The following MATN2 variants were observed in gnomAD, a reference collection of about 807,000 sequenced individuals.
MATN2 encodes the protein matrilin 2, also known as matrilin-2.
Under a neutral mutation model 103.2 loss-of-function variants are expected in MATN2, and 69 were observed. The ratio of observed to expected loss-of-function variants is 0.67; its 90% CI spans 0.55 to 0.82. The LOEUF is 0.82. Among genes scored for constraint, MATN2 ranks in the 40% least tolerant of loss-of-function variants. MATN2 has a pLI of 0.00. For synonymous variants in MATN2, 429 were observed against 450.2 expected (o/e 0.95, Z 0.60); for missense variants, 1,023 against 1,211.5 (o/e 0.84, Z 2.31).
At chr8:97,984,818 C>A (rs965170025) in intron 6 of MATN2, among the ~76,000 whole-genome samples, 7 of 151,722 alleles carry the variant, frequency 4.6e-5, no homozygotes, top group African/African-American at 1.5e-4. Flanking sequence ...CAAAAAGAAA[C>A]CCCACCAATA....
At chr8:97,994,125 A>C (rs1383069653) in intron 6 of MATN2, among the ~76,000 whole-genome samples, 1 of 147,908 alleles carries the variant, frequency 6.8e-6, no homozygotes, top group Non-Finnish European at 1.5e-5. Context: ...GAAGGAAGGA[A>C]GGGAGAGAGA....
chr8:97,995,190 G>T (rs1270706488), intron 7 of MATN2, among the ~76,000 whole-genome samples: 2 of 152,190 alleles, frequency 1.3e-5, no homozygotes, highest in African/African-American at 4.8e-5. Context: ...GAGGGCACCT[G>T]CTTAAGACAA....
At position 98,003,696 on chromosome 8, in the gene MATN2, G is replaced by A; in HGVS notation, c.1240G>A (p.Glu414Lys). Reference protein sequence around the residue: ...NYCALNKPGCEHECVNMEESY... With the variant: ...NYCALNKPGCKHECVNMEESY... ...CTGTGCACTGAACAAACCGGGCTGT[G>A]AGCATGAGTGCGTCAACATGGAGGA... The change falls in exon 8 of 19, where the codon GAG becomes AAG. Residue 414 changes from glutamate to lysine, a missense_variant. Transcript: ENST00000254898. 1 of 1,613,932 alleles carries A rather than the reference G, an allele frequency of 6.2e-7. No individual in the cohort carries two copies. Among genetic ancestry groups the A allele is most frequent in the Non-Finnish European group, 8.5e-7 (1 of 1,179,844 alleles).
At chr8:97,933,369 G>A (rs1222326811) in intron 3 of MATN2, among the ~76,000 whole-genome samples, 1 of 152,174 alleles carries the variant, frequency 6.6e-6, no homozygotes, top group Non-Finnish European at 1.5e-5. Flanking sequence ...AATATTAAAA[G>A]GGAAATTGGT....
At chr8:97,904,404 A>G (rs1819092840) in intron 2 of MATN2, among the ~76,000 whole-genome samples, 1 of 152,172 alleles carries the variant, frequency 6.6e-6, no homozygotes, top group Non-Finnish European at 1.5e-5. Context: ...CATAATACTG[A>G]GCTGTGTTTT....
At chr8:97,998,100 A>G (rs951895021) in intron 7 of MATN2, among the ~76,000 whole-genome samples, 9 of 150,732 alleles carry the variant, frequency 6.0e-5, no homozygotes, top group Non-Finnish European at 1.3e-4. Flanking sequence ...GATTACAGGC[A>G]TGAGCCACCA....
At chr8:97,963,622 A>G (rs1321804944) in intron 5 of MATN2, among the ~76,000 whole-genome samples, 1 of 152,134 alleles carries the variant, frequency 6.6e-6, no homozygotes, top group Non-Finnish European at 1.5e-5. Flanking sequence ...CGTGCTGTTT[A>G]TCGGAGATGG....
chr8:98,026,154 G>C (rs1813791103), intron 13 of MATN2, among the ~76,000 whole-genome samples: 1 of 134,672 alleles, frequency 7.4e-6, no homozygotes, highest in Non-Finnish European at 1.5e-5. Context: ...ACTTCAGCCT[G>C]GGTAACAGAG....
At chr8:97,967,274 G>T (rs1811514043) in intron 5 of MATN2, among the ~76,000 whole-genome samples, 1 of 151,960 alleles carries the variant, frequency 6.6e-6, no homozygotes, top group Non-Finnish European at 1.5e-5. Context: ...TTCCACTCCT[G>T]GCCCCCCATA....
At chr8:97,941,938 A>G in intron 4 of MATN2, 39 bp downstream of exon 4, 7 of 1,605,470 alleles carry the variant, frequency 4.4e-6, no homozygotes, top group East Asian at 2.3e-5. Flanking sequence ...GTTTCTTCCT[A>G]TTCCCTCATC....
rs1563704321 is a variant in MATN2 at position 97,978,986 on chromosome 8, C to T, written c.1059C>T (p.Asn353=). The change falls in exon 6 of 19, where the codon AAC becomes AAT. Residue 353 remains asparagine, a synonymous_variant. Transcript: ENST00000254898. ...AGTGCCATGAAGGATTTGCTCTTAA[C>T]CCAGATAAAAAAACGTGCACAAGTA... ...LCQCHEGFAL[N]PDKKTCTKID... 6.2e-7 allele frequency: 1 copy of T among 1,611,804 alleles called. No homozygotes were observed. The highest frequency in any genetic ancestry group is 1.1e-5 in the South Asian group (1 of 90,614).
Position 98,003,759 on chromosome 8 carries a change from G to C in MATN2, c.1303G>C (p.Asp435His). 1 of 1,613,784 alleles carries C rather than the reference G, an allele frequency of 6.2e-7. No homozygotes were observed. The highest frequency in any genetic ancestry group is 8.5e-7 in the Non-Finnish European group (1 of 1,179,786). The part of the protein sequence containing the change: ...YCRCHRGYTL[D>H]PNGKTCSRVD... ...CCGCTGCCACCGTGGCTACACTCTG[G>C]ACCCCAATGGCAAAACCTGCAGCCG... Residue 435 changes from aspartate to histidine, a missense_variant, in exon 8 of 19, where the codon GAC becomes CAC. Coordinates refer to ENST00000254898, the MANE Select transcript of MATN2 (RefSeq NM_002380.5).
chr8:98,026,452 C>T (rs2130443337), intron 13 of MATN2, among the ~76,000 whole-genome samples: 1 of 152,026 alleles, frequency 6.6e-6, no homozygotes, highest in Non-Finnish European at 1.5e-5. Context: ...GAAAGACAGT[C>T]ACTCTGTTAC....
chr8:98,004,887 G>A (rs13270713), intron 8 of MATN2, among the ~76,000 whole-genome samples: 82,691 of 152,180 alleles, frequency 0.54, 23,330 homozygotes, highest in Non-Finnish European at 0.63. Flanking sequence ...CCATCTCCAC[G>A]GGTCCTGGCC....
chr8:98,020,816 G>T (rs1261804997), intron 12 of MATN2, among the ~76,000 whole-genome samples: 1 of 152,148 alleles, frequency 6.6e-6, no homozygotes, highest in Admixed American at 6.5e-5. Flanking sequence ...TGTCTCACAG[G>T]GTGTTGTGAG....
At chr8:97,974,749 C>A (rs1811776009) in intron 5 of MATN2, among the ~76,000 whole-genome samples, 1 of 152,198 alleles carries the variant, frequency 6.6e-6, no homozygotes, top group South Asian at 2.1e-4. Context: ...CCAGCCCCAG[C>A]CCAGTTTTTA....
rs1319516309 is a variant in MATN2 at position 98,027,836 on chromosome 8, T to C, written c.2356+7T>C. 2.6e-6 allele frequency: 4 copies of C among 1,551,680 alleles called. No homozygotes were observed. Among genetic ancestry groups the C allele is most frequent in the East Asian group, 2.3e-5 (1 of 44,288 alleles). Reference sequence around the variant, plus strand: ...AGTAAAGCCAAGGCCAATGGTAATATGGGGTGGAGGTGCGGTTTACACCAC... The same window carrying C: ...AGTAAAGCCAAGGCCAATGGTAATACGGGGTGGAGGTGCGGTTTACACCAC... On this transcript the variant is annotated splice_region_variant and intron_variant, in intron 14 of 18. Coordinates refer to ENST00000254898, the MANE Select transcript of MATN2 (RefSeq NM_002380.5).
intron 2 of MATN2, among the ~76,000 whole-genome samples, chr8:97,905,459 C>T (rs960951586): frequency 6.6e-6 from 1 of 152,082 alleles, no homozygotes; most frequent in Non-Finnish European, 1.5e-5. Flanking sequence ...ATACCTCATA[C>T]AAATGAAATT....
At chr8:98,031,243 G>A (rs1324938491) in intron 15 of MATN2, among the ~76,000 whole-genome samples, 2 of 152,032 alleles carry the variant, frequency 1.3e-5, no homozygotes, top group Admixed American at 6.6e-5. Context: ...GAGACTGAGC[G>A]GGGAGGATCG....
Sources: allele counts gnomAD v4.1 joint callset (sites outside exome capture counted in the v4.1 genomes callset), GRCh38; gene constraint gnomAD v4.1.1; transcripts MANE v1.5; gene names NCBI Gene and HGNC (gene_info 2026-07-23, HGNC 2026-07-21).